The following UNC80 variants were observed in gnomAD, a reference collection of about 807,000 sequenced individuals.
UNC80 encodes unc-80 subunit of NALCN channel complex.
A neutral mutation model predicts 384.6 loss-of-function variants in UNC80; 164 were observed. The observed-to-expected ratio is 0.43, with a 90% CI of 0.38 to 0.49. The LOEUF (loss-of-function observed/expected upper bound fraction) is 0.49. Among genes scored for constraint, UNC80 ranks in the 20% least tolerant of loss-of-function variants. UNC80 has a pLI of 0.00. For synonymous variants in UNC80, 1,486 were observed against 1,527.8 expected (o/e 0.97, Z 0.64); for missense variants, 3,330 against 4,143.0 (o/e 0.80, Z 5.39).
At position 209,839,126 on chromosome 2, in the gene UNC80, A is replaced by G. The variant is rs576582812; in HGVS notation, c.3042-96A>G. 2 of 1,133,152 alleles carry G rather than the reference A, an allele frequency of 1.8e-6. No individual in the cohort carries two copies. The highest frequency in any genetic ancestry group is 3.1e-5 in the African/African-American group (2 of 64,712). The allele number at this position is 1,133,152 out of a possible 1,614,324, so 70.2% of individuals were successfully genotyped here. On this transcript the variant is annotated intron_variant, in intron 18 of 64. Transcript: ENST00000673920. The surrounding 1 kb of genome is among the most constrained non-coding windows in gnomAD (Gnocchi z 4.1). The stretch of plus-strand genomic sequence containing the variant: ...AGCCCATCAAAGATCATTTTGCATG[A>G]TTTGCCTAAATATCATTGACAGGAA...
At chr2:209,881,554 G>A (rs972017300) in intron 25 of UNC80, among the ~76,000 whole-genome samples, 4 of 151,850 alleles carry the variant, frequency 2.6e-5, no homozygotes, top group African/African-American at 4.8e-5. Flanking sequence ...ATCCCCAAAC[G>A]TACATTGTTA....
chr2:209,949,464 A>AC (rs201499410), intron 47 of UNC80, among the ~76,000 whole-genome samples: 2 of 150,396 alleles, frequency 1.3e-5, no homozygotes, highest in African/African-American at 2.5e-5. Context: ...TCTCCTACCC[A>AC]CCCCCCGCTT....
rs1379829556 is a variant in UNC80, at chr2:209,938,706, CTCTCTG to C, written c.6466-764_6466-759del. 6.7e-3 allele frequency among the ~76,000 whole-genome samples: 939 copies of C among 140,822 alleles called. 7 individuals are homozygous for C. Among genetic ancestry groups the C allele is most frequent in the African/African-American group, 0.026 (871 of 33,848 alleles). The allele number at this position is 140,822 out of a possible 152,430, so 92.4% of individuals were successfully genotyped here. On this transcript the variant is annotated intron_variant, in intron 42 of 64. Transcript: ENST00000673920. ...TCTCTCTCTCTCTCTCTCTCTCTCT[CTCTCTG>C]TGTGTGTGTGTGTGTGTGTGTGTGT...
chr2:209,912,463 C>A, intron 29 of UNC80, 97 bp from the exon 30 acceptor site: 2 of 666,130 alleles, frequency 3.0e-6, no homozygotes, highest in Non-Finnish European at 4.6e-6. Context: ...ATCGCTTCCA[C>A]TAGAAGATGG....
intron 16 of UNC80, 134 bp downstream of exon 16, chr2:209,831,725 CG>C: frequency 2.2e-5 from 23 of 1,035,080 alleles, no homozygotes; most frequent in Non-Finnish European, 3.1e-5. Flanking sequence ...CTATTTTCCC[CG>C]GTGTCACCAG....
At chr2:209,835,122 C>T in intron 18 of UNC80, 112 bp downstream of exon 18, 1 of 821,548 alleles carries the variant, frequency 1.2e-6, no homozygotes, top group Non-Finnish European at 1.9e-6. Context: ...TGAATTTTGC[C>T]TTGTTTCTAC....
chr2:209,946,680 A>G (rs2091930636), intron 47 of UNC80, among the ~76,000 whole-genome samples: 1 of 152,228 alleles, frequency 6.6e-6, no homozygotes, highest in Non-Finnish European at 1.5e-5. Context: ...AAGTACAGAG[A>G]ATTCAAAGAC....
chr2:209,882,716 T>G (rs2085407152), intron 25 of UNC80, among the ~76,000 whole-genome samples: 1 of 152,216 alleles, frequency 6.6e-6, no homozygotes, highest in Admixed American at 6.5e-5. Context: ...TCTAATGATG[T>G]TGAAGTCTTC....
intron 36 of UNC80, 132 bp from the exon 37 acceptor site, chr2:209,929,739 C>T: frequency 1.7e-6 from 1 of 605,406 alleles, no homozygotes; most frequent in Non-Finnish European, 2.7e-6. Flanking sequence ...ACCTACGTTG[C>T]AAAAGAAAAA....
intron 11 of UNC80, 92 bp from the exon 12 acceptor site, chr2:209,818,901 A>G (rs2079938225): frequency 7.3e-7 from 1 of 1,378,798 alleles, no homozygotes; most frequent in African/African-American, 1.5e-5. Flanking sequence ...TACAGCTGTT[A>G]TTGTGGTCAT....
rs544372230 is a variant in UNC80 at position 209,782,126 on chromosome 2, C to A, written c.601-3940C>A. Among the ~76,000 whole-genome samples, 4 of 152,260 alleles carry A rather than the reference C, an allele frequency of 2.6e-5. No homozygotes were observed. The South Asian group carries it at 8.3e-4, about 32-fold the overall frequency. On this transcript the variant is annotated intron_variant, in intron 4 of 64. Coordinates refer to ENST00000673920, the MANE Select transcript of UNC80 (RefSeq NM_001371986.1). The stretch of plus-strand genomic sequence containing the variant: ...AACTAGATTCAGTCTCCTGGCTTGT[C>A]TCATAAAATCTAACCTCAACACCAA...
At chr2:209,779,206 A>G (rs1287040342) in intron 4 of UNC80, among the ~76,000 whole-genome samples, 1 of 152,094 alleles carries the variant, frequency 6.6e-6, no homozygotes, top group East Asian at 1.9e-4. Context: ...ACCCCTGTGC[A>G]CCTCCTGGGC....
At chr2:209,943,252 A>G in intron 44 of UNC80, 128 bp from the exon 45 acceptor site, 1 of 1,202,286 alleles carries the variant, frequency 8.3e-7, no homozygotes, top group Non-Finnish European at 1.1e-6. Flanking sequence ...GCCATTTTAC[A>G]TTCCTCTCTA....
intron 28 of UNC80, 73 bp downstream of exon 28, chr2:209,896,486 C>T (rs1224333872): frequency 8.1e-7 from 1 of 1,233,774 alleles, no homozygotes; most frequent in Non-Finnish European, 1.2e-6. Context: ...GGAGGGAGGA[C>T]AAGAGATTAT....
intron 29 of UNC80, 70 bp from the exon 30 acceptor site, chr2:209,912,490 G>A (rs944547684): frequency 5.4e-5 from 50 of 922,870 alleles, no homozygotes; most frequent in Middle Eastern, 2.3e-4. Context: ...GGAGAATTGC[G>A]GGGACATATA....
chr2:209,842,960 G>A (rs1351646797), intron 21 of UNC80, among the ~76,000 whole-genome samples: 2 of 152,124 alleles, frequency 1.3e-5, no homozygotes, highest in Non-Finnish European at 2.9e-5. Context: ...TAGTTATGAT[G>A]TCTGTACCAA....
At chr2:209,898,284 T>G (rs2087006759) in intron 28 of UNC80, among the ~76,000 whole-genome samples, 1 of 152,104 alleles carries the variant, frequency 6.6e-6, no homozygotes, top group Non-Finnish European at 1.5e-5. Context: ...GTTTTTTTCT[T>G]AACTTCTTGA....
chr2:209,902,972 T>A (rs899609053), intron 28 of UNC80, among the ~76,000 whole-genome samples: 1 of 148,454 alleles, frequency 6.7e-6, no homozygotes, highest in African/African-American at 2.5e-5. Flanking sequence ...TCCATGGGGA[T>A]TGGTTCCAGG....
intron 23 of UNC80, among the ~76,000 whole-genome samples, chr2:209,877,656 AAAAT>A (rs2124890437): frequency 6.6e-6 from 1 of 152,320 alleles, no homozygotes; most frequent in African/African-American, 2.4e-5. Context: ...TCATATCTAT[AAAAT>A]AAATAACCTT....
Sources: gnomAD v4.1 joint callset for allele counts (sites outside exome capture counted in the v4.1 genomes callset) on GRCh38, gnomAD v4.1.1 for gene constraint, Gnocchi (gnomAD v3.1) non-coding constraint, MANE v1.5 for transcripts, NCBI Gene and HGNC (gene_info 2026-07-23, HGNC 2026-07-21) for gene names.